The following AUTS2 variants were observed in gnomAD, a reference collection of about 807,000 sequenced individuals.
AUTS2 encodes activator of transcription and developmental regulator AUTS2.
Under a neutral mutation model 112.4 loss-of-function variants are expected in AUTS2, and 17 were observed. The ratio of observed to expected loss-of-function variants is 0.15; its 90% CI spans 0.10 to 0.23. The LOEUF (loss-of-function observed/expected upper bound fraction) is 0.23. Ranked by LOEUF, AUTS2 falls within the 10% of genes least tolerant of loss-of-function variation. The pLI is 1.00. For synonymous variants in AUTS2, 751 were observed against 702.7 expected (o/e 1.07, Z -1.09); for missense variants, 1,510 against 1,701.6 (o/e 0.89, Z 1.98).
intron 2 of AUTS2, among the ~76,000 whole-genome samples, chr7:70,053,302 A>G (rs1286895147): frequency 6.6e-6 from 1 of 152,148 alleles, no homozygotes; most frequent in Non-Finnish European, 1.5e-5. Flanking sequence ...ATCTAAAACC[A>G]GATCTGAGGC....
chr7:69,917,190 T>C (rs550951278), intron 2 of AUTS2, among the ~76,000 whole-genome samples: 3 of 151,296 alleles, frequency 2.0e-5, no homozygotes, highest in Non-Finnish European at 4.4e-5. Context: ...ATTGTGTGGG[T>C]TTTTTTTTCT....
intron 1 of AUTS2, among the ~76,000 whole-genome samples, chr7:69,698,310 G>A (rs1430211267): frequency 6.6e-6 from 1 of 152,126 alleles, no homozygotes; most frequent in Admixed American, 6.5e-5. Flanking sequence ...ACAGGTTATG[G>A]TGCTTTCCCT....
rs1432713944 is a variant in AUTS2 at position 70,792,889 on chromosome 7, G to A, written c.*1893G>A. 6.6e-6 allele frequency: 1 copy of A among 152,630 alleles called. No homozygotes were observed. The highest frequency in any genetic ancestry group is 1.5e-5 in the Non-Finnish European group (1 of 68,040). The allele number at this position is 152,630 out of a possible 1,614,324, so 9.5% of individuals were successfully genotyped here. A position where few individuals can be genotyped will look rare whatever the true frequency, so the allele number is the denominator to read the frequency against. On this transcript the variant is annotated 3_prime_UTR_variant, in exon 19 of 19. Transcript: ENST00000342771. ...GAACTAAGCTTCCAGCTGCTTGTTT[G>A]TGTGAGGTGACCATCATTACCTTAG...
chr7:69,683,039 A>G (rs1325939038), intron 1 of AUTS2, among the ~76,000 whole-genome samples: 5 of 152,258 alleles, frequency 3.3e-5, no homozygotes, highest in Admixed American at 2.6e-4. Flanking sequence ...GCTCCACCGT[A>G]CAGAGGGAAG....
intron 2 of AUTS2, among the ~76,000 whole-genome samples, chr7:70,003,414 AAT>A (rs1173618748): frequency 8.0e-6 from 1 of 124,606 alleles, no homozygotes; most frequent in Admixed American, 9.1e-5. Flanking sequence ...AATATATATG[AAT>A]ATGTTATATA....
chr7:70,513,004 T>C (rs1269851092), intron 5 of AUTS2, among the ~76,000 whole-genome samples: 2 of 152,254 alleles, frequency 1.3e-5, no homozygotes, highest in Middle Eastern at 3.4e-3. Context: ...TGCCAGCAAT[T>C]ATAAAAGGGG....
At chr7:70,693,888 C>A (rs1208980513) in intron 5 of AUTS2, among the ~76,000 whole-genome samples, 1 of 152,078 alleles carries the variant, frequency 6.6e-6, no homozygotes, top group African/African-American at 2.4e-5. Context: ...GCGGGGGGAG[C>A]AACAGCTGTC....
chr7:70,689,402 C>T (rs1358735906), intron 5 of AUTS2, among the ~76,000 whole-genome samples: 1 of 151,300 alleles, frequency 6.6e-6, no homozygotes, highest in African/African-American at 2.4e-5. Flanking sequence ...AAAGAAACAC[C>T]CTTATTAGGA....
intron 2 of AUTS2, among the ~76,000 whole-genome samples, chr7:69,907,990 G>C (rs144102548): frequency 1.3e-3 from 204 of 152,298 alleles, no homozygotes; most frequent in Middle Eastern, 0.01. Flanking sequence ...ATTGCCCATA[G>C]CTTTGCACAG....
Position 69,967,700 on chromosome 7 carries a change from G to T in AUTS2, c.522+68202G>T, listed in dbSNP as rs554670290. Among the ~76,000 whole-genome samples the T allele has an allele frequency of 3.9e-5, 6 of 152,266 alleles. No homozygotes were observed. The South Asian group carries it at 8.3e-4, about 21-fold the overall frequency. The stretch of plus-strand genomic sequence containing the variant: ...CTTTTTCTCCAGCGCTATATTGTGG[G>T]TTTTTTGTTTTTGCTCTTTTCATTT... On this transcript the variant is annotated intron_variant, in intron 2 of 18. Transcript: ENST00000342771.
At chr7:70,570,594 C>G (rs1394418634) in intron 5 of AUTS2, among the ~76,000 whole-genome samples, 2 of 152,146 alleles carry the variant, frequency 1.3e-5, no homozygotes, top group Non-Finnish European at 2.9e-5. Flanking sequence ...GCCTTCACTC[C>G]CACTGAACGT....
At chr7:70,331,718 C>A (rs1042422661) in intron 4 of AUTS2, among the ~76,000 whole-genome samples, 1 of 152,114 alleles carries the variant, frequency 6.6e-6, no homozygotes, top group African/African-American at 2.4e-5. Context: ...ATGACAAAAA[C>A]CACATGATTA....
intron 6 of AUTS2, among the ~76,000 whole-genome samples, chr7:70,711,126 A>AC (rs958520939): frequency 2.2e-4 from 33 of 151,800 alleles, no homozygotes; most frequent in South Asian, 6.3e-4. Context: ...CCAGGGCCTC[A>AC]CCCCCCCAGA....
intron 5 of AUTS2, among the ~76,000 whole-genome samples, chr7:70,466,458 A>T (rs1797169842): frequency 6.6e-6 from 1 of 152,174 alleles, no homozygotes; most frequent in African/African-American, 2.4e-5. Context: ...ACCAAAACCT[A>T]ATCTCTGCTA....
At chr7:70,749,132 C>T (rs745492867) in intron 6 of AUTS2, among the ~76,000 whole-genome samples, 6 of 152,128 alleles carry the variant, frequency 3.9e-5, no homozygotes, top group African/African-American at 1.4e-4. Flanking sequence ...CTCCCACCAC[C>T]GCATCCTGTC....
rs1482314849 is a variant in AUTS2, at chr7:69,872,063, GACTTA to G, written c.310-27217_310-27213del. ...ATGGACATGTTCCACTGTGTTATCC[GACTTA>G]ACTTACAAAACAAAGTTCAAAGATA... On this transcript the variant is annotated intron_variant, in intron 1 of 18. Coordinates refer to ENST00000342771, the MANE Select transcript of AUTS2 (RefSeq NM_015570.4). Among the ~76,000 whole-genome samples, 4 of 152,268 alleles carry G rather than the reference GACTTA, an allele frequency of 2.6e-5. No homozygotes were observed. The East Asian group carries it at 5.8e-4, about 22-fold the overall frequency.
intron 17 of AUTS2, 104 bp from the exon 18 acceptor site, chr7:70,787,105 A>C: frequency 1.9e-6 from 2 of 1,034,530 alleles, no homozygotes; most frequent in South Asian, 2.7e-5. Context: ...ATATGTATTC[A>C]TTTTAACTCT....
intron 2 of AUTS2, among the ~76,000 whole-genome samples, chr7:69,937,189 T>TG (rs1796447064): frequency 6.6e-6 from 1 of 152,164 alleles, no homozygotes; most frequent in South Asian, 2.1e-4. Context: ...AGTCATCATA[T>TG]GTTATTTCTC....
chr7:70,309,360 A>G (rs188493418), intron 4 of AUTS2, among the ~76,000 whole-genome samples: 2 of 152,326 alleles, frequency 1.3e-5, no homozygotes, highest in Middle Eastern at 3.4e-3. Context: ...GACTTCTCTA[A>G]TAGAGTTAGG....
Sources: allele counts gnomAD v4.1 joint callset (sites outside exome capture counted in the v4.1 genomes callset), GRCh38; gene constraint gnomAD v4.1.1; transcripts MANE v1.5; gene names NCBI Gene and HGNC (gene_info 2026-07-23, HGNC 2026-07-21).